The following MAGI1 variants were observed in gnomAD, a reference collection of about 807,000 sequenced individuals.
MAGI1 encodes the protein membrane-associated guanylate kinase, WW and PDZ domain-containing protein 1.
In MAGI1, 58 loss-of-function variants were observed where a neutral mutation model predicts 139.9. The observed-to-expected ratio is 0.41, with a 90% CI of 0.34 to 0.52. The LOEUF (loss-of-function observed/expected upper bound fraction) is 0.52, where lower values mean the gene tolerates loss of function less well. Ranked by LOEUF, MAGI1 falls within the 20% of genes least tolerant of loss-of-function variation. The probability of loss-of-function intolerance (pLI) is 0.12; values close to 1 mark genes in which losing one functional copy is unlikely to be tolerated. For missense variants in MAGI1, 1,874 were observed against 1,901.6 expected, an observed-to-expected ratio of 0.99 and a Z score of 0.27; for synonymous variants, 812 against 737.9, an observed-to-expected ratio of 1.10 and a Z score of -1.63.
intron 14 of MAGI1, among the ~76,000 whole-genome samples, chr3:65,389,837 A>C (rs1943758514): frequency 4.6e-5 from 7 of 152,220 alleles, no homozygotes; most frequent in Admixed American, 4.6e-4. Flanking sequence ...AATTCCATGC[A>C]TTGTGGTACC....
chr3:65,602,200 A>G (rs2106847509), intron 2 of MAGI1, among the ~76,000 whole-genome samples: 1 of 152,306 alleles, frequency 6.6e-6, no homozygotes, highest in South Asian at 2.1e-4. Flanking sequence ...TGATTCCCTC[A>G]GTATACAGCC....
In MAGI1 at chr3:65,381,902, C is replaced by T. The variant is rs565704580; in HGVS notation, c.2676G>A (p.Thr892=). 1.1e-4 allele frequency: 174 copies of T among 1,613,510 alleles called. 1 individual carries two copies. The highest frequency in any genetic ancestry group is 1.7e-4 in the Middle Eastern group (1 of 6,048). ...CCGCAAAAACCACTTTACGCCGCACCGTGAGATTGACGTGGCCTTGCTTGG... is the reference window on the plus strand; with the variant it reads ...CCGCAAAAACCACTTTACGCCGCACTGTGAGATTGACGTGGCCTTGCTTGG... ...QAAKQGHVNL[T]VRRKVVFAVP... The change falls in exon 16 of 23, where the codon ACG becomes ACA. Residue 892 remains threonine (T), a synonymous_variant. Transcript: ENST00000402939.
chr3:65,876,351 C>G (rs1439298341), intron 1 of MAGI1, among the ~76,000 whole-genome samples: 1 of 151,798 alleles, frequency 6.6e-6, no homozygotes, highest in African/African-American at 2.4e-5. Flanking sequence ...CTCACCACCC[C>G]CCCCAAAAAA....
intron 2 of MAGI1, among the ~76,000 whole-genome samples, chr3:65,584,838 C>T (rs960774267): frequency 6.6e-6 from 1 of 152,158 alleles, no homozygotes; most frequent in African/African-American, 2.4e-5. Flanking sequence ...TTTATCCATT[C>T]GACCAGTTCA....
chr3:65,975,284 T>C (rs1269579040), intron 1 of MAGI1, among the ~76,000 whole-genome samples: 1 of 152,136 alleles, frequency 6.6e-6, no homozygotes, highest in Non-Finnish European at 1.5e-5. Context: ...ATTATGTCTG[T>C]CTCTTTATGG....
intron 1 of MAGI1, among the ~76,000 whole-genome samples, chr3:65,668,520 C>T (rs1433567754): frequency 6.6e-6 from 1 of 151,304 alleles, no homozygotes; most frequent in Non-Finnish European, 1.5e-5. Context: ...CAGTTCAAAA[C>T]TCTCTTGTGA....
At chr3:65,843,438 C>A (rs1002678082) in intron 1 of MAGI1, among the ~76,000 whole-genome samples, 2 of 152,198 alleles carry the variant, frequency 1.3e-5, no homozygotes, top group Admixed American at 6.5e-5. Flanking sequence ...TGTTCAGTTA[C>A]TGACCCATAG....
chr3:65,691,175 C>T lies in MAGI1; in HGVS notation c.314-69087G>A, dbSNP rs559909258. ...AAAATTAGCCGGGCGTGGTGGCGGG[C>T]GCCTGTAGTCCCAGCTACATGGGAG... On this transcript the variant is annotated intron_variant, in intron 1 of 22. Coordinates refer to ENST00000402939, the MANE Select transcript of MAGI1 (RefSeq NM_001033057.2). 6.6e-5 allele frequency among the ~76,000 whole-genome samples: 10 copies of T among 151,754 alleles called. No homozygotes were observed. The South Asian group carries it at 1.5e-3, about 22-fold the overall frequency.
intron 2 of MAGI1, among the ~76,000 whole-genome samples, chr3:65,597,059 C>G (rs1295315096): frequency 6.6e-6 from 1 of 152,116 alleles, no homozygotes; most frequent in South Asian, 2.1e-4. Context: ...CCCGGGGAAG[C>G]AGCTCTCCCT....
At chr3:65,653,081 G>C (rs189205790) in intron 1 of MAGI1, among the ~76,000 whole-genome samples, 53 of 152,214 alleles carry the variant, frequency 3.5e-4, no homozygotes, top group African/African-American at 1.2e-3. Flanking sequence ...GAGAAAACTT[G>C]TATACTTTTT....
intron 1 of MAGI1, among the ~76,000 whole-genome samples, chr3:65,677,909 C>G (rs2087301255): frequency 6.6e-6 from 1 of 152,186 alleles, no homozygotes; most frequent in Non-Finnish European, 1.5e-5. Flanking sequence ...AAAGCAAAGA[C>G]TTGGAACCAA....
chr3:65,404,055 A>ATGTGTGGC (rs1553640317), intron 12 of MAGI1, among the ~76,000 whole-genome samples: 1 of 152,188 alleles, frequency 6.6e-6, no homozygotes, highest in Non-Finnish European at 1.5e-5. Context: ...ACTCAAACAC[A>ATGTGTGGC]TGTGTGGCTT....
chr3:65,748,133 G>T (rs2035852638), intron 1 of MAGI1, among the ~76,000 whole-genome samples: 2 of 152,198 alleles, frequency 1.3e-5, no homozygotes, highest in Non-Finnish European at 2.9e-5. Context: ...CTCCAAGCAT[G>T]GGCCAGGGTG....
At position 66,016,067 on chromosome 3, in the gene MAGI1, T is replaced by C. The variant is rs552694448; in HGVS notation, c.313+21929A>G. Among the ~76,000 whole-genome samples, 78 of 40,236 alleles carry C rather than the reference T, an allele frequency of 1.9e-3. 1 individual carries two copies. The highest frequency in any genetic ancestry group is 3.6e-3 in the African/African-American group (70 of 19,684). 26.4% of individuals were successfully genotyped at this position (40,236 alleles called of 152,430 possible). ...GAGGTAGTGGTGCCAGGAAAGAAGA[T>C]AAAAACCCAGAGTGTTAAAACAGAA... On this transcript the variant is annotated intron_variant, in intron 1 of 22. Coordinates refer to ENST00000402939, the MANE Select transcript of MAGI1 (RefSeq NM_001033057.2).
intron 2 of MAGI1, among the ~76,000 whole-genome samples, chr3:65,533,554 G>A (rs1045718472): frequency 3.9e-5 from 6 of 152,102 alleles, no homozygotes; most frequent in African/African-American, 7.2e-5. Context: ...CATTAAATAC[G>A]TAATTATTGA....
chr3:65,891,925 TATATATATATA>T (rs2060782775), intron 1 of MAGI1, among the ~76,000 whole-genome samples: 1 of 107,860 alleles, frequency 9.3e-6, no homozygotes. Context: ...TATATATATA[TATATATATATA>T]TATATACCCG....
At chr3:65,924,875 T>C (rs2062416373) in intron 1 of MAGI1, 1 of 152,234 alleles carries the variant, frequency 6.6e-6, no homozygotes, top group Non-Finnish European at 1.5e-5. Context: ...TAAAAGGTAA[T>C]TGTTATTATT....
chr3:65,546,920 T>C (rs2079531956), intron 2 of MAGI1, among the ~76,000 whole-genome samples: 1 of 152,226 alleles, frequency 6.6e-6, no homozygotes, highest in Non-Finnish European at 1.5e-5. Context: ...TTCTGGGCAC[T>C]GTGTATGTGT....
chr3:65,938,025 C>G (rs1349611582), intron 1 of MAGI1, among the ~76,000 whole-genome samples: 1 of 151,898 alleles, frequency 6.6e-6, no homozygotes, highest in African/African-American at 2.4e-5. Context: ...GATAACTTGA[C>G]CTTAAAAAGT....
Sources: allele counts gnomAD v4.1 joint callset (sites outside exome capture counted in the v4.1 genomes callset), GRCh38; gene constraint gnomAD v4.1.1; transcripts MANE v1.5; gene names NCBI Gene and HGNC (gene_info 2026-07-23, HGNC 2026-07-21).